FAR2: variants seen among roughly 807,000 people sequenced by gnomAD.
FAR2 encodes the protein epididymis secretory protein Li 81.
In FAR2, 19 loss-of-function variants were observed where a neutral mutation model predicts 56.0. The ratio of observed to expected loss-of-function variants is 0.34; its 90% CI spans 0.24 to 0.50. The LOEUF (loss-of-function observed/expected upper bound fraction) is 0.50. Among genes scored for constraint, FAR2 ranks in the 20% least tolerant of loss-of-function variants. The probability of loss-of-function intolerance (pLI) is 0.98; values close to 1 mark genes in which losing one functional copy is unlikely to be tolerated. For synonymous variants in FAR2, 219 were observed against 218.8 expected (o/e 1.00, Z -0.01); for missense variants, 508 against 642.2 (o/e 0.79, Z 2.26).
intron 8 of FAR2, among the ~76,000 whole-genome samples, chr12:29,316,117 T>C (rs1380429160): frequency 6.6e-6 from 1 of 152,054 alleles, no homozygotes; most frequent in Non-Finnish European, 1.5e-5. Context: ...AGTGATATCA[T>C]CATAATTGAA....
intron 1 of FAR2, among the ~76,000 whole-genome samples, chr12:29,178,240 G>A (rs1949957608): frequency 6.6e-6 from 1 of 151,848 alleles, no homozygotes; most frequent in African/African-American, 2.4e-5. Flanking sequence ...ACTATTTTAT[G>A]TTCTTAAAAC....
At chr12:29,149,921 G>T (rs1949668456) in intron 1 of FAR2, among the ~76,000 whole-genome samples, 1 of 152,170 alleles carries the variant, frequency 6.6e-6, no homozygotes, top group Non-Finnish European at 1.5e-5. Context: ...CCTGGTCCCC[G>T]GAGCAGGTCC....
chr12:29,297,017 C>G lies in FAR2; in HGVS notation c.366-4C>G, dbSNP rs371952457. 75 of 1,600,306 alleles carry G rather than the reference C, an allele frequency of 4.7e-5. No homozygotes were observed. The highest frequency in any genetic ancestry group is 5.1e-6 in the Non-Finnish European group (6 of 1,174,600). ...TGTATTTCCTTCTGCTTAATCTTCT[C>G]TAGACATGCTGTGCAACTTAACGTC... On this transcript the variant is annotated splice_polypyrimidine_tract_variant and splice_region_variant and intron_variant, in intron 3 of 11. Coordinates refer to ENST00000536681, the MANE Select transcript of FAR2 (RefSeq NM_001271783.2).
chr12:29,225,630 CAT>C lies in FAR2; in HGVS notation c.-38-44778_-38-44777del, dbSNP rs776041508. On this transcript the variant is annotated intron_variant, in intron 1 of 11. Transcript: ENST00000536681. ...TACACCTCAAAGAAGGATCAGAACT[CAT>C]ATAGAACCTAGCCTTTCCGCTGCCC... 6.9e-4 allele frequency among the ~76,000 whole-genome samples: 105 copies of C among 152,238 alleles called. 1 individual carries two copies. The highest frequency in any genetic ancestry group is 6.8e-3 in the Middle Eastern group (2 of 294).
intron 2 of FAR2, among the ~76,000 whole-genome samples, chr12:29,275,155 G>A (rs1009844581): frequency 3.3e-5 from 5 of 151,308 alleles, no homozygotes; most frequent in Admixed American, 6.6e-5. Context: ...GGCTGAGTCC[G>A]AAAAGAGAGT....
intron 1 of FAR2, among the ~76,000 whole-genome samples, chr12:29,264,221 C>T (rs1948473668): frequency 1.3e-5 from 2 of 152,098 alleles, no homozygotes; most frequent in South Asian, 4.1e-4. Flanking sequence ...AGGACAAAAA[C>T]CATATGATCA....
At chr12:29,304,983 C>T (rs1949232810) in intron 4 of FAR2, among the ~76,000 whole-genome samples, 1 of 152,088 alleles carries the variant, frequency 6.6e-6, no homozygotes, top group African/African-American at 2.4e-5. Context: ...TGTTTAAGTC[C>T]TAAGAATGGC....
chr12:29,237,659 C>T (rs557531691), intron 1 of FAR2, among the ~76,000 whole-genome samples: 1 of 152,258 alleles, frequency 6.6e-6, no homozygotes, highest in African/African-American at 2.4e-5. Flanking sequence ...GACAGAATGA[C>T]TGGTAAACAA....
chr12:29,293,509 C>T, intron 3 of FAR2, 34 bp downstream of exon 3: 1 of 1,345,308 alleles, frequency 7.4e-7, no homozygotes, highest in Non-Finnish European at 9.7e-7. Context: ...GGCTTGTATA[C>T]ATATGTGTGC....
chr12:29,321,798 G>T lies in FAR2; in HGVS notation c.1131G>T (p.Met377Ile). 2 of 1,613,098 alleles carry T rather than the reference G, an allele frequency of 1.2e-6. No individual in the cohort carries two copies. The highest frequency in any genetic ancestry group is 2.2e-5 in the South Asian group (2 of 90,966). Residue 377 changes from methionine to isoleucine, a missense_variant, in exon 10 of 12, where the codon ATG (methionine) becomes ATT (isoleucine). Coordinates refer to ENST00000536681, the MANE Select transcript of FAR2 (RefSeq NM_001271783.2). The stretch of plus-strand genomic sequence containing the variant: ...TCCTATCTGATGGTTATCTCAGGAT[G>T]ACAAAGCTCATGAATCGGCTTTTAA... ...YLRLTGRKPR[M>I]TKLMNRLLRT...
intron 2 of FAR2, among the ~76,000 whole-genome samples, chr12:29,272,189 T>C (rs1179778406): frequency 6.6e-6 from 1 of 152,234 alleles, no homozygotes; most frequent in Non-Finnish European, 1.5e-5. Context: ...TCTTGCTAGG[T>C]TGGGGAGGTT....
intron 2 of FAR2, among the ~76,000 whole-genome samples, chr12:29,271,315 T>C (rs978940204): frequency 1.3e-5 from 2 of 152,220 alleles, no homozygotes; most frequent in Non-Finnish European, 2.9e-5. Context: ...GTCTCAAACA[T>C]ATCTGGGTTC....
chr12:29,228,880 G>A (rs939941404), intron 1 of FAR2, among the ~76,000 whole-genome samples: 19 of 152,270 alleles, frequency 1.2e-4, no homozygotes, highest in African/African-American at 4.6e-4. Context: ...GAGTTGCCGT[G>A]CCCAGCCAAA....
At chr12:29,154,920 A>G (rs1257911676) in intron 1 of FAR2, among the ~76,000 whole-genome samples, 2 of 152,186 alleles carry the variant, frequency 1.3e-5, no homozygotes, top group African/African-American at 2.4e-5. Flanking sequence ...TAATAGATTA[A>G]ACCTTTTAAC....
chr12:29,247,658 T>A (rs1948149367), intron 1 of FAR2, among the ~76,000 whole-genome samples: 1 of 152,198 alleles, frequency 6.6e-6, no homozygotes, highest in Admixed American at 6.5e-5. Context: ...CAACTTTATT[T>A]CCTTGGTTGA....
chr12:29,316,776 CT>C, intron 8 of FAR2, 64 bp from the exon 9 acceptor site: 3 of 1,504,370 alleles, frequency 2.0e-6, no homozygotes, highest in Non-Finnish European at 1.8e-6. Context: ...ATTACAAATG[CT>C]TTCCACTATG....
chr12:29,186,778 A>G (rs201409398), intron 1 of FAR2, among the ~76,000 whole-genome samples: 1 of 21,216 alleles, frequency 4.7e-5, no homozygotes, highest in African/African-American at 7.4e-5. Flanking sequence ...TTATTTATTT[A>G]TTTATTTATT....
intron 1 of FAR2, among the ~76,000 whole-genome samples, chr12:29,266,222 G>A (rs1377315235): frequency 6.6e-6 from 1 of 152,130 alleles, no homozygotes; most frequent in Non-Finnish European, 1.5e-5. Flanking sequence ...ATTTATTGCA[G>A]TGTTAATCAC....
intron 1 of FAR2, among the ~76,000 whole-genome samples, chr12:29,185,018 A>T (rs1395984484): frequency 6.6e-6 from 1 of 152,198 alleles, no homozygotes; most frequent in Non-Finnish European, 1.5e-5. Context: ...AATGGAAGTG[A>T]TAATGTCTGT....
Sources: gnomAD v4.1 joint callset for allele counts (sites outside exome capture counted in the v4.1 genomes callset) on GRCh38, gnomAD v4.1.1 for gene constraint, MANE v1.5 for transcripts, NCBI Gene and HGNC (gene_info 2026-07-23, HGNC 2026-07-21) for gene names.